SLAMF6: variants seen among roughly 807,000 people sequenced by gnomAD.
SLAMF6 encodes the protein SLAM family member 6.
A neutral mutation model predicts 38.3 loss-of-function variants in SLAMF6; 21 were observed. The observed-to-expected ratio is 0.55, with a 90% confidence interval of 0.39 to 0.79. The LOEUF is 0.79. SLAMF6 is among the 30% of genes least tolerant of loss of function. SLAMF6 has a pLI of 0.00. For missense variants in SLAMF6, 341 were observed against 385.3 expected (o/e 0.89, Z 0.96); for synonymous variants, 152 against 146.3 (o/e 1.04, Z -0.28).
intron 2 of SLAMF6, among the ~76,000 whole-genome samples, chr1:160,492,836 G>C (rs1290143531): frequency 6.6e-6 from 1 of 152,050 alleles, no homozygotes; most frequent in East Asian, 1.9e-4. Context: ...TCCCACATCA[G>C]GAAATCCTGG....
intron 7 of SLAMF6, 21 bp downstream of exon 7, chr1:160,487,083 A>G (rs948894022): frequency 7.0e-6 from 11 of 1,578,308 alleles, no homozygotes; most frequent in Admixed American, 5.1e-5. Context: ...ATATAAAAAC[A>G]TGGAGCAATC....
chr1:160,490,479 C>T, intron 4 of SLAMF6, 96 bp downstream of exon 4: 1 of 1,518,126 alleles, frequency 6.6e-7, no homozygotes, highest in Non-Finnish European at 8.9e-7. Flanking sequence ...CCTCCCTCCT[C>T]CTGTCTTCCA....
intron 1 of SLAMF6, among the ~76,000 whole-genome samples, chr1:160,508,839 G>C (rs1183127314): frequency 6.6e-6 from 1 of 151,974 alleles, no homozygotes; most frequent in Non-Finnish European, 1.5e-5. Context: ...TCAAAAAGTG[G>C]GCAAAGGATA....
At chr1:160,490,357 G>T in intron 4 of SLAMF6, 121 bp from the exon 5 acceptor site, 1 of 1,491,582 alleles carries the variant, frequency 6.7e-7, no homozygotes, top group Non-Finnish European at 9.2e-7. Context: ...AAGCAGCCCT[G>T]AGACAGGGTC....
intron 1 of SLAMF6, among the ~76,000 whole-genome samples, chr1:160,515,024 A>G (rs186027564): frequency 2.5e-4 from 38 of 152,296 alleles, no homozygotes; most frequent in South Asian, 1.7e-3. Flanking sequence ...ACTGAAGGAG[A>G]TAGATAAAAG....
chr1:160,498,129 C>A (rs1269622209), intron 1 of SLAMF6, among the ~76,000 whole-genome samples: 1 of 151,770 alleles, frequency 6.6e-6, no homozygotes, highest in Non-Finnish European at 1.5e-5. Flanking sequence ...GCAACCTCAC[C>A]AAGTGGGACC....
At chr1:160,487,842 C>T (rs531947851) in intron 6 of SLAMF6, among the ~76,000 whole-genome samples, 1 of 152,182 alleles carries the variant, frequency 6.6e-6, no homozygotes, top group African/African-American at 2.4e-5. Context: ...GTAAACCCAA[C>T]ACTTTGGGAG....
intron 3 of SLAMF6, 51 bp from the exon 4 acceptor site, chr1:160,490,736 C>T (rs1179904022): frequency 2.5e-6 from 4 of 1,599,068 alleles, no homozygotes; most frequent in South Asian, 1.1e-5. Flanking sequence ...GTGAGGCCCA[C>T]TGTTCTTGGA....
intron 1 of SLAMF6, among the ~76,000 whole-genome samples, chr1:160,520,123 A>G (rs1654918898): frequency 6.6e-6 from 1 of 152,146 alleles, no homozygotes; most frequent in African/African-American, 2.4e-5. Context: ...GTTGAGCACA[A>G]TAAACATTTG....
chr1:160,506,490 T>C (rs1186639031), intron 1 of SLAMF6, among the ~76,000 whole-genome samples: 2 of 152,200 alleles, frequency 1.3e-5, no homozygotes, highest in East Asian at 3.8e-4. Context: ...TAGAGTTTAT[T>C]GCTAGTAGAC....
chr1:160,488,337 G>C (rs994416709), intron 6 of SLAMF6, among the ~76,000 whole-genome samples: 1 of 152,100 alleles, frequency 6.6e-6, no homozygotes, highest in Non-Finnish European at 1.5e-5. Flanking sequence ...ATCATACTTT[G>C]CAAATATAGG....
intron 1 of SLAMF6, among the ~76,000 whole-genome samples, chr1:160,512,880 A>C (rs1654560175): frequency 6.6e-6 from 1 of 152,184 alleles, no homozygotes. Context: ...TCAAAGATCA[A>C]AGCTAGATAA....
chr1:160,509,416 A>G (rs1654356083), intron 1 of SLAMF6, among the ~76,000 whole-genome samples: 5 of 151,832 alleles, frequency 3.3e-5, no homozygotes, highest in African/African-American at 1.2e-4. Flanking sequence ...AGAAAACCAA[A>G]CACCACATGT....
chr1:160,492,730 C>A (rs1051751926), intron 2 of SLAMF6, among the ~76,000 whole-genome samples: 1 of 152,222 alleles, frequency 6.6e-6, no homozygotes, highest in Non-Finnish European at 1.5e-5. Context: ...TCTCAACCTG[C>A]AGTTTTACCC....
At chr1:160,499,985 A>G (rs970481203) in intron 1 of SLAMF6, among the ~76,000 whole-genome samples, 5 of 152,250 alleles carry the variant, frequency 3.3e-5, no homozygotes, top group Non-Finnish European at 7.3e-5. Flanking sequence ...CAGAGAATAC[A>G]AATATATGAT....
intron 6 of SLAMF6, among the ~76,000 whole-genome samples, chr1:160,487,914 A>T (rs777874056): frequency 1.1e-4 from 16 of 151,934 alleles, no homozygotes; most frequent in Non-Finnish European, 1.9e-4. Context: ...ACATGGTGAA[A>T]CCCCGTCTCT....
chr1:160,508,711 A>C (rs1453119638), intron 1 of SLAMF6, among the ~76,000 whole-genome samples: 1 of 152,222 alleles, frequency 6.6e-6, no homozygotes. Flanking sequence ...CTACCATCAG[A>C]GTGAACAGAC....
intron 1 of SLAMF6, among the ~76,000 whole-genome samples, chr1:160,504,994 A>G (rs571485593): frequency 6.6e-6 from 1 of 152,232 alleles, no homozygotes; most frequent in Non-Finnish European, 1.5e-5. Flanking sequence ...GGAGTGCCCC[A>G]AAACAGAGCC....
chr1:160,512,163 TC>T (rs1191442750), intron 1 of SLAMF6, among the ~76,000 whole-genome samples: 2 of 152,130 alleles, frequency 1.3e-5, no homozygotes, highest in East Asian at 3.9e-4. Context: ...TCTGCTGCTT[TC>T]CCCTGCCAGT....
Sources: allele counts gnomAD v4.1 joint callset (sites outside exome capture counted in the v4.1 genomes callset), GRCh38; gene constraint gnomAD v4.1.1; transcripts MANE v1.5; gene names NCBI Gene and HGNC (gene_info 2026-07-23, HGNC 2026-07-21).